The following CELF4 variants were observed in gnomAD, a reference collection of about 807,000 sequenced individuals.
CELF4 encodes the protein CUGBP Elav-like family member 4.
Under a neutral mutation model 59.9 loss-of-function variants are expected in CELF4, and 18 were observed. That is an observed-to-expected ratio of 0.30 (90% CI 0.21 to 0.45). CELF4 has a LOEUF of 0.45. Among genes scored for constraint, CELF4 ranks in the 20% least tolerant of loss-of-function variants. The probability of loss-of-function intolerance (pLI) is 1.00; values close to 1 mark genes in which losing one functional copy is unlikely to be tolerated. For synonymous variants in CELF4, 261 were observed against 267.1 expected, an observed-to-expected ratio of 0.98 and a Z score of 0.22; for missense variants, 456 against 689.0, an observed-to-expected ratio of 0.66 and a Z score of 3.79.
At chr18:37,497,859 G>A (rs1379530698) in intron 1 of CELF4, among the ~76,000 whole-genome samples, 1 of 152,154 alleles carries the variant, frequency 6.6e-6, no homozygotes, top group Non-Finnish European at 1.5e-5. Context: ...TTTAATGTAA[G>A]TCTATAAAAT....
intron 2 of CELF4, among the ~76,000 whole-genome samples, chr18:37,425,949 C>T (rs2099609551): frequency 6.6e-6 from 1 of 152,222 alleles, no homozygotes; most frequent in Admixed American, 6.5e-5. Flanking sequence ...GGAGAGGCTT[C>T]TCTGCCAAGT....
At chr18:37,279,628 G>A (rs1211055545) in intron 3 of CELF4, among the ~76,000 whole-genome samples, 2 of 152,218 alleles carry the variant, frequency 1.3e-5, no homozygotes, top group Admixed American at 6.5e-5. Flanking sequence ...AGACGAAGCT[G>A]CTCGTTGGAA....
intron 2 of CELF4, among the ~76,000 whole-genome samples, chr18:37,478,186 C>T (rs1291674185): frequency 6.6e-6 from 1 of 152,146 alleles, no homozygotes; most frequent in Non-Finnish European, 1.5e-5. Context: ...ATAAAGAAAG[C>T]TGGAAGGGTC....
At chr18:37,463,187 A>G (rs559585875) in intron 2 of CELF4, among the ~76,000 whole-genome samples, 4 of 152,206 alleles carry the variant, frequency 2.6e-5, no homozygotes, top group African/African-American at 9.7e-5. Context: ...GAATTTCAAG[A>G]TGATGACTGC....
rs534926771 is a variant in CELF4 at position 37,244,408 on chromosome 18, G to C, written c.*834C>G. On this transcript the variant is annotated 3_prime_UTR_variant, in exon 13 of 13. Transcript: ENST00000420428. ...GCTTTCCCCAAATATCCACCAATTT[G>C]TTCATCTTTTAACAGCTCCATCCAG... 1 of 152,314 alleles carries C rather than the reference G, an allele frequency of 6.6e-6. No individual in the cohort carries two copies. Among genetic ancestry groups the C allele is most frequent in the Admixed American group, 6.6e-5 (1 of 15,252 alleles). 9.4% of individuals were successfully genotyped at this position (152,314 alleles called of 1,614,324 possible). A position where few individuals can be genotyped will look rare whatever the true frequency, so the allele number is the denominator to read the frequency against.
chr18:37,524,073 GTTAGA>G (rs1365397626), intron 1 of CELF4, among the ~76,000 whole-genome samples: 1 of 152,232 alleles, frequency 6.6e-6, no homozygotes, highest in East Asian at 1.9e-4. Context: ...CTCCAAGGAG[GTTAGA>G]TGAGATAATA....
chr18:37,316,364 G>T (rs140480374), intron 3 of CELF4, among the ~76,000 whole-genome samples: 1 of 152,132 alleles, frequency 6.6e-6, no homozygotes, highest in African/African-American at 2.4e-5. Context: ...GTGCTTTTGG[G>T]GATAACTGGA....
intron 3 of CELF4, among the ~76,000 whole-genome samples, chr18:37,292,279 T>G (rs1030084992): frequency 1.3e-5 from 2 of 152,170 alleles, no homozygotes; most frequent in African/African-American, 4.8e-5. Flanking sequence ...GCACTAATGG[T>G]GGATACTGCA....
At chr18:37,420,873 G>T (rs1220892233) in intron 2 of CELF4, among the ~76,000 whole-genome samples, 4 of 152,228 alleles carry the variant, frequency 2.6e-5, no homozygotes, top group Non-Finnish European at 5.9e-5. Context: ...CTACCTGGCA[G>T]CCTTGAGGGA....
chr18:37,462,654 T>C (rs1038218251), intron 2 of CELF4, among the ~76,000 whole-genome samples: 1 of 151,986 alleles, frequency 6.6e-6, no homozygotes, highest in Non-Finnish European at 1.5e-5. Flanking sequence ...GGGAGTAGGG[T>C]TGTTGGAAGA....
intron 11 of CELF4, among the ~76,000 whole-genome samples, chr18:37,258,744 C>T (rs991703271): frequency 1.3e-5 from 2 of 152,164 alleles, no homozygotes; most frequent in East Asian, 1.9e-4. Context: ...GCCTCGGGCT[C>T]AGGCCAGGCC....
At chr18:37,298,228 G>A (rs2095786986) in intron 3 of CELF4, among the ~76,000 whole-genome samples, 1 of 152,194 alleles carries the variant, frequency 6.6e-6, no homozygotes, top group African/African-American at 2.4e-5. Flanking sequence ...ATCTGCAGAT[G>A]CTGGTTCTTC....
intron 1 of CELF4, among the ~76,000 whole-genome samples, chr18:37,554,296 C>T (rs12607755): frequency 0.59 from 89,624 of 151,988 alleles, 30,661 homozygotes; most frequent in East Asian, 0.81. Context: ...GTCCCGCAGG[C>T]TGGATGTGAG....
intron 1 of CELF4, among the ~76,000 whole-genome samples, chr18:37,553,927 C>T (rs922399850): frequency 6.6e-6 from 1 of 152,194 alleles, no homozygotes; most frequent in Non-Finnish European, 1.5e-5. Context: ...GGGCAGGCGA[C>T]AGCTGGAGGA....
At chr18:37,285,585 G>A (rs545204333) in intron 3 of CELF4, among the ~76,000 whole-genome samples, 2 of 152,332 alleles carry the variant, frequency 1.3e-5, no homozygotes, top group East Asian at 1.9e-4. Flanking sequence ...TCTGAGAGGA[G>A]ATGAGCTGGC....
At chr18:37,327,264 G>A (rs369530262) in intron 2 of CELF4, among the ~76,000 whole-genome samples, 1 of 152,142 alleles carries the variant, frequency 6.6e-6, no homozygotes, top group African/African-American at 2.4e-5. Flanking sequence ...CTCCTTTCCC[G>A]AGGACCAGGG....
At chr18:37,413,320 G>A (rs1557417824) in intron 2 of CELF4, among the ~76,000 whole-genome samples, 1 of 152,190 alleles carries the variant, frequency 6.6e-6, no homozygotes, top group Non-Finnish European at 1.5e-5. Context: ...TCCTGTAGGT[G>A]TGTTCACCTA....
intron 1 of CELF4, among the ~76,000 whole-genome samples, chr18:37,537,430 T>A (rs537548413): frequency 6.6e-6 from 1 of 152,296 alleles, no homozygotes; most frequent in African/African-American, 2.4e-5. Flanking sequence ...GGTGTCTTTC[T>A]GCAAAAGGGC....
chr18:37,473,773 G>A (rs2099840994), intron 2 of CELF4: 1 of 152,314 alleles, frequency 6.6e-6, no homozygotes, highest in Admixed American at 6.5e-5. Flanking sequence ...ACCAGGCTGT[G>A]TGAGGGTAGA....
Sources: allele counts gnomAD v4.1 joint callset (sites outside exome capture counted in the v4.1 genomes callset), GRCh38; gene constraint gnomAD v4.1.1; transcripts MANE v1.5; gene names NCBI Gene and HGNC (gene_info 2026-07-23, HGNC 2026-07-21).